Variants in HADHA observed in about 807,000 individuals in gnomAD.
HADHA encodes trifunctional enzyme subunit alpha, mitochondrial.
Under a neutral mutation model 91.3 loss-of-function variants are expected in HADHA, and 59 were observed. That is an observed-to-expected ratio of 0.65 (90% CI 0.52 to 0.80). The LOEUF is 0.80. Among genes scored for constraint, HADHA ranks in the 30% least tolerant of loss-of-function variants. The pLI, the probability that HADHA is intolerant of heterozygous loss-of-function variation, is 0.00. For synonymous variants in HADHA, 320 were observed against 338.9 expected (o/e 0.94, Z 0.61); for missense variants, 800 against 927.6 (o/e 0.86, Z 1.79).
intron 7 of HADHA, among the ~76,000 whole-genome samples, chr2:26,216,715 AAC>A: frequency 6.6e-6 from 1 of 152,280 alleles, no homozygotes; most frequent in Admixed American, 6.5e-5. Flanking sequence ...GAAAAGTCCT[AAC>A]ACAGTCATAA....
chr2:26,232,164 T>C lies in HADHA; in HGVS notation c.569A>G (p.Lys190Arg), dbSNP rs2147781172. 1.2e-6 allele frequency: 2 copies of C among 1,611,008 alleles called. No individual in the cohort carries two copies. Among genetic ancestry groups the C allele is most frequent in the East Asian group, 2.2e-5 (1 of 44,876 alleles). The change falls in exon 6 of 20, where the codon AAA becomes AGA. Residue 190 changes from lysine (K) to arginine (R), a missense_variant. Lys to Arg is a conservative substitution (Grantham distance 26). Transcript: ENST00000380649. ...CAAAGGGGATGTTAGACTCACCATTTTGGGCAGCCTTTGTGTGCCTCCTGC... is the reference window on the plus strand; with the variant it reads ...CAAAGGGGATGTTAGACTCACCATTCTGGGCAGCCTTTGTGTGCCTCCTGC... ...PGAGGTQRLP[K>R]MVGVPAALDM...
At chr2:26,233,312 A>G (rs1362676941) in intron 5 of HADHA, among the ~76,000 whole-genome samples, 1 of 152,166 alleles carries the variant, frequency 6.6e-6, no homozygotes, top group Non-Finnish European at 1.5e-5. Flanking sequence ...CTGTATCTAA[A>G]CACAGAAAAG....
chr2:26,231,097 GT>G (rs1670610769), intron 6 of HADHA, among the ~76,000 whole-genome samples: 1 of 150,682 alleles, frequency 6.6e-6, no homozygotes, highest in Admixed American at 6.6e-5. Context: ...ACCAGCTATA[GT>G]TTAAGAAAAA....
intron 5 of HADHA, 31 bp from the exon 6 acceptor site, chr2:26,232,310 T>C: frequency 6.5e-7 from 1 of 1,545,820 alleles, no homozygotes; most frequent in Non-Finnish European, 8.9e-7. Flanking sequence ...ATTAGAATGT[T>C]AGAAAATGTA....
At chr2:26,216,638 A>G (rs913927044) in intron 7 of HADHA, among the ~76,000 whole-genome samples, 2 of 152,028 alleles carry the variant, frequency 1.3e-5, no homozygotes, top group South Asian at 4.2e-4. Context: ...CCTATTTTGA[A>G]CCTGTGTGGG....
intron 7 of HADHA, among the ~76,000 whole-genome samples, chr2:26,216,572 C>T (rs531895153): frequency 5.3e-5 from 8 of 152,182 alleles, no homozygotes; most frequent in East Asian, 1.9e-4. Context: ...CTGCCCACCT[C>T]GGCCTCCCAA....
chr2:26,241,920 A>T (rs1014839310), intron 1 of HADHA, among the ~76,000 whole-genome samples: 2 of 146,354 alleles, frequency 1.4e-5, no homozygotes, highest in African/African-American at 5.0e-5. Flanking sequence ...CTTCAAGATA[A>T]TTTTTTTTTT....
At chr2:26,228,510 C>T (rs1430894962) in intron 7 of HADHA, among the ~76,000 whole-genome samples, 2 of 152,146 alleles carry the variant, frequency 1.3e-5, no homozygotes, top group South Asian at 2.1e-4. Context: ...AACTCAAATG[C>T]TCATCATTTG....
chr2:26,209,328 A>G (rs1558321472), intron 11 of HADHA, among the ~76,000 whole-genome samples: 1 of 152,250 alleles, frequency 6.6e-6, no homozygotes, highest in Non-Finnish European at 1.5e-5. Flanking sequence ...CACATGAAAG[A>G]GGCAAACAGA....
At chr2:26,232,373 G>A (rs1670645416) in intron 5 of HADHA, 94 bp from the exon 6 acceptor site, 1 of 856,086 alleles carries the variant, frequency 1.2e-6, no homozygotes, top group African/African-American at 1.7e-5. Flanking sequence ...TATAAAGCAG[G>A]AATGTGCTCA....
chr2:26,221,683 T>C lies in HADHA; in HGVS notation c.677-6508A>G, dbSNP rs1299869615. Among the ~76,000 whole-genome samples the C allele has an allele frequency of 6.6e-6, 1 of 152,196 alleles. No individual in the cohort carries two copies. The highest frequency in any genetic ancestry group is 1.9e-4 in the East Asian group (1 of 5,198). On this transcript the variant is annotated intron_variant, in intron 7 of 19. Coordinates refer to ENST00000380649, the MANE Select transcript of HADHA (RefSeq NM_000182.5). This position sits in a 1 kb window ranked among gnomAD's most constrained non-coding sequence, Gnocchi z 4.8. ...CTATGGCCTCATGGGGAGTTCTCTA[T>C]GGCCAGTTGATTGGTAAAGAAAAAC...
intron 3 of HADHA, 74 bp downstream of exon 3, chr2:26,238,860 G>T: frequency 1.1e-6 from 1 of 894,660 alleles, no homozygotes; most frequent in Non-Finnish European, 1.9e-6. Context: ...GGGAAATATG[G>T]GATACATCTT....
chr2:26,235,578 A>G (rs1471477656), intron 4 of HADHA, among the ~76,000 whole-genome samples: 1 of 152,228 alleles, frequency 6.6e-6, no homozygotes, highest in African/African-American at 2.4e-5. Context: ...GTTCTGTTTA[A>G]TGTTAATTTT....
Position 26,236,988 on chromosome 2 carries a change from C to T in HADHA, c.181G>A (p.Val61Ile). Reference protein sequence around the residue: ...VVRINSPNSKVNTLSKELHSE... With the variant: ...VVRINSPNSKINTLSKELHSE... ...TGTAGCTCTTTACTCAGTGTATTTACCTGCCAAAGGGAAATATATACAGGT... is the reference window on the plus strand; with the variant it reads ...TGTAGCTCTTTACTCAGTGTATTTATCTGCCAAAGGGAAATATATACAGGT... The change falls in exon 4 of 20, where the codon GTA becomes ATA. Residue 61 changes from valine to isoleucine, a missense_variant and splice_region_variant. Coordinates refer to ENST00000380649, the MANE Select transcript of HADHA (RefSeq NM_000182.5). The T allele has an allele frequency of 6.2e-7, 1 of 1,606,142 alleles. No individual in the cohort carries two copies.
At chr2:26,220,200 C>G (rs1358137226) in intron 7 of HADHA, among the ~76,000 whole-genome samples, 3 of 152,200 alleles carry the variant, frequency 2.0e-5, no homozygotes, top group African/African-American at 7.2e-5. Flanking sequence ...AGTTTTAGCT[C>G]AGGTCTGTCT....
At position 26,242,620 on chromosome 2, in the gene HADHA, TC is replaced by T. The variant is rs537171689; in HGVS notation, c.67+1909del. On this transcript the variant is annotated intron_variant, in intron 1 of 19. Transcript: ENST00000380649. ...AAAACTGCTTGATATCTAAAATAAC[TC>T]CTTTTCATCACACAAGGTGGTATTA... is the stretch of plus-strand genomic sequence containing the variant. Among the ~76,000 whole-genome samples, 22 of 152,282 alleles carry T rather than the reference TC, an allele frequency of 1.4e-4. No homozygotes were observed. In the East Asian group the frequency reaches 4.2e-3, roughly 29 times the overall value.
chr2:26,229,347 C>T lies in HADHA; in HGVS notation c.676+845G>A, dbSNP rs1057283586. On this transcript the variant is annotated intron_variant, in intron 7 of 19. Coordinates refer to ENST00000380649, the MANE Select transcript of HADHA (RefSeq NM_000182.5). The surrounding 1 kb of genome is among the most constrained non-coding windows in gnomAD (Gnocchi z 4.3). ...AGTGAGACCCCAACATGTGTGCGCG[C>T]GCACACACACACACACACACACACA... 2.9e-5 allele frequency among the ~76,000 whole-genome samples: 3 copies of T among 102,772 alleles called. No homozygotes were observed. Among genetic ancestry groups the T allele is most frequent in the East Asian group, 3.2e-4 (1 of 3,096 alleles). 67.4% of individuals were successfully genotyped at this position (102,772 alleles called of 152,430 possible).
chr2:26,194,712 G>C (rs904380640), intron 15 of HADHA, 74 bp from the exon 16 acceptor site: 1 of 949,522 alleles, frequency 1.1e-6, no homozygotes, highest in South Asian at 1.3e-5. Context: ...CCTTTCCCAG[G>C]GTCACTTCAA....
chr2:26,194,474 A>G lies in HADHA; in HGVS notation c.1689+96T>C. On this transcript the variant is annotated intron_variant, in intron 16 of 19. Transcript: ENST00000380649. ...CCTAGACAAGAGCAGGAGTTGGTGT[A>G]TCAGAAGGAAGCTTGGTCCTTATCT... is the stretch of plus-strand genomic sequence containing the variant. 3 of 820,056 alleles carry G rather than the reference A, an allele frequency of 3.7e-6. No individual in the cohort carries two copies. The South Asian group carries it at 4.2e-5, about 11-fold the overall frequency. The allele number at this position is 820,056 out of a possible 1,614,324, so 50.8% of individuals were successfully genotyped here.
Sources: gnomAD v4.1 joint callset for allele counts (sites outside exome capture counted in the v4.1 genomes callset) on GRCh38, gnomAD v4.1.1 for gene constraint, Gnocchi (gnomAD v3.1) non-coding constraint, MANE v1.5 for transcripts, NCBI Gene and HGNC (gene_info 2026-07-23, HGNC 2026-07-21) for gene names.